The following MTUS2 variants were observed in gnomAD, a reference collection of about 807,000 sequenced individuals.
The protein encoded by MTUS2 is microtubule-associated tumor suppressor candidate 2.
A neutral mutation model predicts 114.1 loss-of-function variants in MTUS2; 40 were observed. The ratio of observed to expected loss-of-function variants is 0.35; its 90% CI spans 0.27 to 0.46. The LOEUF (loss-of-function observed/expected upper bound fraction) is 0.46. MTUS2 is among the 20% of genes least tolerant of loss of function. The pLI is 1.00. For synonymous variants in MTUS2, 688 were observed against 672.0 expected (o/e 1.02, Z -0.37); for missense variants, 1,679 against 1,705.4 (o/e 0.98, Z 0.27).
At chr13:28,933,333 C>A (rs1450815468) in intron 2 of MTUS2, among the ~76,000 whole-genome samples, 1 of 152,168 alleles carries the variant, frequency 6.6e-6, no homozygotes, top group African/African-American at 2.4e-5. Context: ...GAAACTCAGG[C>A]AGGGTTTCTC....
chr13:29,253,973 CGTG>C (rs1212587328), intron 5 of MTUS2, among the ~76,000 whole-genome samples: 3 of 152,156 alleles, frequency 2.0e-5, no homozygotes, highest in Non-Finnish European at 4.4e-5. Flanking sequence ...TCCCACAACA[CGTG>C]GGAATTCCTT....
chr13:29,309,074 A>G (rs1179655769), intron 6 of MTUS2, among the ~76,000 whole-genome samples: 2 of 152,216 alleles, frequency 1.3e-5, no homozygotes, highest in Non-Finnish European at 1.5e-5. Context: ...TCCCATTACT[A>G]TATGTATACC....
intron 5 of MTUS2, among the ~76,000 whole-genome samples, chr13:29,152,028 G>C (rs978324775): frequency 3.3e-5 from 5 of 152,090 alleles, no homozygotes; most frequent in African/African-American, 1.2e-4. Context: ...TTGGCATCAG[G>C]ATGATGCCGG....
intron 2 of MTUS2, among the ~76,000 whole-genome samples, chr13:29,016,921 T>C (rs917169365): frequency 1.3e-5 from 2 of 152,200 alleles, no homozygotes; most frequent in African/African-American, 4.8e-5. Flanking sequence ...ACTGTACTTG[T>C]AAGTTTCATT....
chr13:28,863,457 G>A (rs1877113364), intron 2 of MTUS2, among the ~76,000 whole-genome samples: 1 of 152,128 alleles, frequency 6.6e-6, no homozygotes, highest in Non-Finnish European at 1.5e-5. Flanking sequence ...CATATAGCCC[G>A]AGGCTGAGGA....
rs368161666 is a variant in MTUS2, at chr13:28,853,460, G to A, written c.-243+13610G>A. Among the ~76,000 whole-genome samples, 150 of 152,272 alleles carry A rather than the reference G, an allele frequency of 9.9e-4. 1 individual carries two copies. The highest frequency in any genetic ancestry group is 3.5e-3 in the African/African-American group (145 of 41,562). ...AGAAACTAAGGTTTTATTATATTTT[G>A]CTATAAGGACTGACACAGATGGCCT... On this transcript the variant is annotated intron_variant, in intron 2 of 15. Coordinates refer to ENST00000612955, the MANE Select transcript of MTUS2 (RefSeq NM_001033602.4).
chr13:29,117,550 A>G (rs945955422), intron 5 of MTUS2, among the ~76,000 whole-genome samples: 1 of 152,184 alleles, frequency 6.6e-6, no homozygotes, highest in Non-Finnish European at 1.5e-5. Context: ...ATTCCTGTGC[A>G]TGAGTGTTTA....
chr13:29,441,130 G>T (rs553307138), intron 9 of MTUS2, among the ~76,000 whole-genome samples: 3 of 152,300 alleles, frequency 2.0e-5, no homozygotes, highest in East Asian at 3.9e-4. Context: ...AGACTTGCTA[G>T]TGTGTGATCC....
intron 8 of MTUS2, among the ~76,000 whole-genome samples, chr13:29,366,792 G>A (rs1389978499): frequency 6.6e-6 from 1 of 152,142 alleles, no homozygotes; most frequent in Non-Finnish European, 1.5e-5. Context: ...TCCAGTAGTT[G>A]CCTGTCAAGG....
chr13:29,242,644 G>A (rs1302331728), intron 5 of MTUS2: 1 of 153,272 alleles, frequency 6.5e-6, no homozygotes, highest in Non-Finnish European at 1.5e-5. Context: ...CCCTTAGCCA[G>A]GTTGGTTTGA....
intron 7 of MTUS2, among the ~76,000 whole-genome samples, chr13:29,345,271 T>C (rs1459217381): frequency 4.6e-5 from 7 of 152,140 alleles, no homozygotes; most frequent in Non-Finnish European, 7.3e-5. Flanking sequence ...TCCAGATGTC[T>C]TTCCTTTCTC....
chr13:29,363,005 C>T lies in MTUS2; in HGVS notation c.3117+3532C>T, dbSNP rs1267438800. ...TGTGCTGGTTGCAGGCAGCTCTGCC[C>T]CTGCAGCAAGGTATGTTCCTCACCA... On this transcript the variant is annotated intron_variant, in intron 8 of 15. Coordinates refer to ENST00000612955, the MANE Select transcript of MTUS2 (RefSeq NM_001033602.4). 4.6e-5 allele frequency among the ~76,000 whole-genome samples: 7 copies of T among 152,328 alleles called. No homozygotes were observed. The East Asian group carries it at 7.7e-4, about 17-fold the overall frequency.
intron 5 of MTUS2, among the ~76,000 whole-genome samples, chr13:29,124,778 C>G (rs1328175549): frequency 6.6e-6 from 1 of 152,168 alleles, no homozygotes; most frequent in Non-Finnish European, 1.5e-5. Flanking sequence ...CTGACACATG[C>G]TACAACATGG....
intron 8 of MTUS2, among the ~76,000 whole-genome samples, chr13:29,381,958 T>C (rs556602236): frequency 6.6e-6 from 1 of 152,270 alleles, no homozygotes; most frequent in South Asian, 2.1e-4. Flanking sequence ...CAAGAAATAA[T>C]CATTGCGTGT....
At chr13:29,147,206 A>T (rs557649985) in intron 5 of MTUS2, among the ~76,000 whole-genome samples, 1 of 152,274 alleles carries the variant, frequency 6.6e-6, no homozygotes, top group South Asian at 2.1e-4. Context: ...AATGAGGTTA[A>T]ATTCATTGTT....
intron 5 of MTUS2, among the ~76,000 whole-genome samples, chr13:29,259,416 G>T (rs1316188836): frequency 3.9e-5 from 6 of 152,138 alleles, no homozygotes; most frequent in Non-Finnish European, 2.9e-5. Flanking sequence ...AAATTCAGAG[G>T]CAAAGAGACC....
At chr13:29,391,415 A>G (rs1477937430) in intron 8 of MTUS2, among the ~76,000 whole-genome samples, 2 of 152,302 alleles carry the variant, frequency 1.3e-5, no homozygotes, top group South Asian at 2.1e-4. Flanking sequence ...GATGTTCACC[A>G]TGTAAATGGT....
At position 29,503,195 on chromosome 13, in the gene MTUS2, A is replaced by G. The variant is rs766415778; in HGVS notation, c.4099A>G (p.Thr1367Ala). ...CTCCTCTCCGGCCAGAGTCAGCACA[A>G]CACCCAGATGACGCCACTACACGGC... is the stretch of plus-strand genomic sequence containing the variant. ...GPSSPARVST[T>A]PR Residue 1367 changes from threonine to alanine, a missense_variant, in exon 16 of 16, where the codon ACA becomes GCA. Physicochemically the swap from Thr to Ala is moderately conservative, Grantham distance 58. Coordinates refer to ENST00000612955, the MANE Select transcript of MTUS2 (RefSeq NM_001033602.4). The G allele has an allele frequency of 6.2e-6, 10 of 1,613,708 alleles. No homozygotes were observed. The highest frequency in any genetic ancestry group is 8.5e-6 in the Non-Finnish European group (10 of 1,180,018).
intron 9 of MTUS2, among the ~76,000 whole-genome samples, chr13:29,472,237 G>T (rs1163641603): frequency 6.6e-6 from 1 of 152,034 alleles, no homozygotes; most frequent in Non-Finnish European, 1.5e-5. Context: ...GGCCAGGCTG[G>T]TCTCCATCTC....
Sources: gnomAD v4.1 joint callset for allele counts (sites outside exome capture counted in the v4.1 genomes callset) on GRCh38, gnomAD v4.1.1 for gene constraint, MANE v1.5 for transcripts, NCBI Gene and HGNC (gene_info 2026-07-23, HGNC 2026-07-21) for gene names.